LCOR: variants seen among roughly 807,000 people sequenced by gnomAD.
LCOR encodes ligand dependent nuclear receptor corepressor.
In LCOR, 14 loss-of-function variants were observed where a neutral mutation model predicts 64.4. The ratio of observed to expected loss-of-function variants is 0.22; its 90% CI spans 0.14 to 0.34. LCOR has a LOEUF of 0.34. Among genes scored for constraint, LCOR ranks in the 10% least tolerant of loss-of-function variants. The pLI is 1.00. For missense variants in LCOR, 1,686 were observed against 1,765.3 expected (o/e 0.96, Z 0.80); for synonymous variants, 643 against 642.5 (o/e 1.00, Z -0.01).
intron 2 of LCOR, among the ~76,000 whole-genome samples, chr10:96,858,629 T>A (rs572933276): frequency 6.6e-6 from 1 of 152,346 alleles, no homozygotes; most frequent in South Asian, 2.1e-4. Context: ...ATTTAGTAAT[T>A]AGGCTTGTCA....
At chr10:96,852,497 G>C (rs1564603193) in intron 2 of LCOR, among the ~76,000 whole-genome samples, 1 of 152,204 alleles carries the variant, frequency 6.6e-6, no homozygotes, top group Non-Finnish European at 1.5e-5. Context: ...AATGAATCTT[G>C]TGTTTAGACT....
At chr10:96,928,934 T>G (rs1034860918) in intron 4 of LCOR, among the ~76,000 whole-genome samples, 1 of 152,222 alleles carries the variant, frequency 6.6e-6, no homozygotes, top group Non-Finnish European at 1.5e-5. Flanking sequence ...GTAATATTTT[T>G]AAAGGAATCT....
At chr10:96,854,415 C>T (rs1845769854) in intron 2 of LCOR, among the ~76,000 whole-genome samples, 1 of 152,132 alleles carries the variant, frequency 6.6e-6, no homozygotes, top group Admixed American at 6.6e-5. Flanking sequence ...CAGCCTCCGC[C>T]TCCTGGGTTC....
intron 4 of LCOR, among the ~76,000 whole-genome samples, chr10:96,937,940 A>G (rs1355181151): frequency 6.7e-6 from 1 of 149,382 alleles, no homozygotes; most frequent in Non-Finnish European, 1.5e-5. Context: ...TGGTTTAACT[A>G]TTTATTTATT....
intron 7 of LCOR, among the ~76,000 whole-genome samples, chr10:96,954,246 A>C (rs1454011733): frequency 6.6e-6 from 1 of 152,238 alleles, no homozygotes; most frequent in Non-Finnish European, 1.5e-5. Context: ...GTAGTGTTTT[A>C]AAATGAAGAC....
chr10:96,983,265 C>T lies in LCOR; in HGVS notation c.2805C>T (p.Thr935=), dbSNP rs147226839. The T allele has an allele frequency of 4.3e-5, 70 of 1,614,054 alleles. No homozygotes were observed. In the African/African-American group the frequency reaches 8.3e-4, roughly 19 times the overall value. The change falls in exon 8 of 8, where the codon ACC becomes ACT. Residue 935 remains threonine, a synonymous_variant. Coordinates refer to ENST00000421806, the MANE Select transcript of LCOR (RefSeq NM_001346516.2). The surrounding 1 kb of genome is among the most constrained non-coding windows in gnomAD (Gnocchi z 4.5). ...TTTTCCCCAGCAGGGACCCCATAAC[C>T]ACAGCTGGACAGCCACTGCCTGGAG... ...GEIFPSRDPI[T]TAGQPLPGER...
intron 2 of LCOR, among the ~76,000 whole-genome samples, chr10:96,877,847 G>A (rs1323619931): frequency 5.3e-5 from 8 of 152,070 alleles, no homozygotes; most frequent in Admixed American, 3.3e-4. Context: ...TCCTGACCTC[G>A]TGATCCGCCT....
intron 2 of LCOR, among the ~76,000 whole-genome samples, chr10:96,866,783 C>T (rs1156763583): frequency 6.6e-6 from 1 of 152,052 alleles, no homozygotes; most frequent in Non-Finnish European, 1.5e-5. Flanking sequence ...ACTAAGTTGG[C>T]CAGGCTGGTC....
intron 2 of LCOR, among the ~76,000 whole-genome samples, chr10:96,848,519 G>A (rs1421164485): frequency 6.6e-6 from 1 of 152,170 alleles, no homozygotes; most frequent in Non-Finnish European, 1.5e-5. Context: ...TTAGCCGGTT[G>A]TGGTGGCGGG....
rs1449089476 is a variant in LCOR at position 96,832,419 on chromosome 10, G to GCCGCCGCCCCTCCGGCCGCC, written c.-404+29_-404+48dup. 2.5e-5 allele frequency: 24 copies of GCCGCCGCCCCTCCGGCCGCC among 947,048 alleles called. No homozygotes were observed. The South Asian group carries it at 6.6e-4, about 26-fold the overall frequency. The allele number at this position is 947,048 out of a possible 1,614,324, so 58.7% of individuals were successfully genotyped here. ...GTGTAGGTGAGACCCTCCGCCGACC[G>GCCGCCGCCCCTCCGGCCGCC]CCGCCGCCCCTCCGGCCGCCCCGCC... On this transcript the variant is annotated intron_variant, in intron 1 of 7. Transcript: ENST00000421806.
intron 2 of LCOR, among the ~76,000 whole-genome samples, chr10:96,885,204 A>G (rs1178731240): frequency 6.6e-6 from 1 of 152,172 alleles, no homozygotes; most frequent in Admixed American, 6.5e-5. Flanking sequence ...AGTGCTTTAC[A>G]GTTATTTAGA....
chr10:96,979,794 G>A (rs755525824), intron 7 of LCOR, among the ~76,000 whole-genome samples: 8 of 152,346 alleles, frequency 5.3e-5, no homozygotes, highest in Middle Eastern at 3.4e-3. Context: ...GGAAAGGGTA[G>A]CAGGATTCCT....
At chr10:96,849,061 CTTTTTTTTTTTTT>C (rs67974828) in intron 2 of LCOR, among the ~76,000 whole-genome samples, 6 of 33,838 alleles carry the variant, frequency 1.8e-4, no homozygotes, top group Non-Finnish European at 2.2e-4. Context: ...GGCTAATTGT[CTTTTTTTTTTTTT>C]TTTTTTTTTT....
chr10:96,849,059 G>GTTTT (rs1564601890), intron 2 of LCOR, among the ~76,000 whole-genome samples: 1 of 21,782 alleles, frequency 4.6e-5, no homozygotes, highest in African/African-American at 1.3e-4. Context: ...CTGGCTAATT[G>GTTTT]TCTTTTTTTT....
intron 2 of LCOR, among the ~76,000 whole-genome samples, chr10:96,838,166 C>T (rs1191629999): frequency 6.6e-6 from 1 of 152,156 alleles, no homozygotes; most frequent in Non-Finnish European, 1.5e-5. Context: ...TGGTCCATAC[C>T]TTGAATTTTT....
intron 2 of LCOR, among the ~76,000 whole-genome samples, chr10:96,859,354 C>T (rs573217485): frequency 3.3e-4 from 50 of 152,074 alleles, no homozygotes; most frequent in Non-Finnish European, 5.9e-4. Context: ...GGATTACAGG[C>T]GCCTGCCACC....
intron 4 of LCOR, among the ~76,000 whole-genome samples, chr10:96,934,283 GA>G (rs1847311148): frequency 6.6e-6 from 1 of 152,206 alleles, no homozygotes. Flanking sequence ...ATGAGAGATG[GA>G]GGAAACCCTT....
intron 4 of LCOR, among the ~76,000 whole-genome samples, chr10:96,918,014 G>A (rs1846985385): frequency 6.6e-6 from 1 of 152,142 alleles, no homozygotes; most frequent in Non-Finnish European, 1.5e-5. Context: ...AGGGTTGTGG[G>A]AAATGAGTTG....
Position 96,989,696 on chromosome 10 carries a change from T to TATATATATATATATATATA in LCOR, c.*4562_*4563insATATATATATATATATATA, listed in dbSNP as rs1491204310. 7.7e-5 allele frequency: 5 copies of TATATATATATATATATATA among 64,622 alleles called. No individual in the cohort carries two copies. The highest frequency in any genetic ancestry group is 4.4e-4 in the African/African-American group (4 of 9,056). The allele number at this position is 64,622 out of a possible 1,614,324, so 4.0% of individuals were successfully genotyped here. On this transcript the variant is annotated 3_prime_UTR_variant, in exon 8 of 8. Coordinates refer to ENST00000421806, the MANE Select transcript of LCOR (RefSeq NM_001346516.2). ...AAGGATATATATATATATATATATA[T>TATATATATATATATATATA]TTTTTTTTTTTTTTTTTTTTTTTAA... is the stretch of plus-strand genomic sequence containing the variant.
Sources: gnomAD v4.1 joint callset for allele counts (sites outside exome capture counted in the v4.1 genomes callset) on GRCh38, gnomAD v4.1.1 for gene constraint, Gnocchi (gnomAD v3.1) non-coding constraint, MANE v1.5 for transcripts, NCBI Gene and HGNC (gene_info 2026-07-23, HGNC 2026-07-21) for gene names.